The following OTUD5 variants were observed in gnomAD, a reference collection of about 807,000 sequenced individuals.
OTUD5 encodes the protein OTU deubiquitinase 5.
In OTUD5, 2 loss-of-function variants were observed where a neutral mutation model predicts 36.3. That is an observed-to-expected ratio of 0.06 (90% CI 0.02 to 0.17). OTUD5 has a LOEUF of 0.17. Among genes scored for constraint, OTUD5 ranks in the 10% least tolerant of loss-of-function variants. The probability of loss-of-function intolerance (pLI) is 1.00; values close to 1 mark genes in which losing one functional copy is unlikely to be tolerated. For synonymous variants in OTUD5, 234 were observed against 214.9 expected (o/e 1.09, Z -0.78); for missense variants, 233 against 512.3 (o/e 0.45, Z 5.26).
intron 5 of OTUD5, among the ~76,000 whole-genome samples, chrX:48,928,962 G>T (rs2063708364): frequency 9.0e-6 from 1 of 111,240 alleles, no homozygotes; most frequent in Admixed American, 9.6e-5. Context: ...AGCATATGGA[G>T]TATGAGGAAT....
rs189022973 is a variant in OTUD5 at position 48,941,847 on chromosome X, C to T, written c.688+2343G>A. Among the ~76,000 whole-genome samples the T allele has an allele frequency of 1.5e-4, 17 of 111,813 alleles. No individual in the cohort carries two copies. The East Asian group carries it at 4.5e-3, about 30-fold the overall frequency. ...CCAGGGACAAAGTCCCCTTCCCAGG[C>T]ACATGTATTATGCACTCTGCACCAA... On this transcript the variant is annotated intron_variant, in intron 2 of 8. Coordinates refer to ENST00000376488, the MANE Select transcript of OTUD5 (RefSeq NM_001136157.2).
At chrX:48,955,233 G>A (rs904367687) in intron 1 of OTUD5, among the ~76,000 whole-genome samples, 1 of 111,822 alleles carries the variant, frequency 8.9e-6, no homozygotes, top group Non-Finnish European at 1.9e-5. Context: ...CTAAGACTAG[G>A]GTGTATGTAA....
At chrX:48,926,628 T>C (rs1326997033) in intron 5 of OTUD5, among the ~76,000 whole-genome samples, 6 of 112,075 alleles carry the variant, frequency 5.4e-5, no homozygotes, top group African/African-American at 1.6e-4. Flanking sequence ...GCTGGGATTA[T>C]AGGTGTGAGC....
chrX:48,923,700 G>T lies in OTUD5; in HGVS notation c.1512C>A (p.Pro504=). Residue 504 remains proline, a synonymous_variant, in exon 8 of 9, where the codon CCC becomes CCA. Transcript: ENST00000376488. ...FSAGADRATS[P]LVSLYPALEC... ...CCAAAGCAGGGTAGAGGGACACAAGGGGGGAAGTTGCCCGGTCGGCCCCTG... is the reference window on the plus strand; with the variant it reads ...CCAAAGCAGGGTAGAGGGACACAAGTGGGGAAGTTGCCCGGTCGGCCCCTG... 8.3e-7 allele frequency: 1 copy of T among 1,209,775 alleles called. No homozygotes were observed. The highest frequency in any genetic ancestry group is 1.1e-6 in the Non-Finnish European group (1 of 894,181).
chrX:48,927,672 C>G (rs1433957312), intron 5 of OTUD5, among the ~76,000 whole-genome samples: 3 of 111,646 alleles, frequency 2.7e-5, no homozygotes, highest in African/African-American at 9.8e-5. Flanking sequence ...ATTCAGCTAC[C>G]CAAAAGCTCC....
At chrX:48,947,168 CAA>C (rs1557052595) in intron 1 of OTUD5, among the ~76,000 whole-genome samples, 3 of 111,556 alleles carry the variant, frequency 2.7e-5, no homozygotes, top group Admixed American at 1.9e-4. Flanking sequence ...CACTTGAGAT[CAA>C]GAGTTCAAGA....
At chrX:48,936,331 C>T (rs782150474) in intron 2 of OTUD5, 4 of 111,834 alleles carry the variant, frequency 3.6e-5, no homozygotes, top group African/African-American at 9.7e-5. Flanking sequence ...CTCTTCAGGA[C>T]GCTCCTTCCA....
intron 1 of OTUD5, among the ~76,000 whole-genome samples, chrX:48,945,367 T>C (rs1477773259): frequency 5.9e-5 from 6 of 101,557 alleles, no homozygotes; most frequent in African/African-American, 2.2e-4. Context: ...GCCTCCCGGG[T>C]TCATGCCATT....
At chrX:48,923,773 GGGACCCAGGATCCA>G in intron 7 of OTUD5, 27 bp from the exon 8 acceptor site, 5 of 1,184,854 alleles carry the variant, frequency 4.2e-6, no homozygotes, top group Non-Finnish European at 5.7e-6. Context: ...GTCAAAGGTA[GGGACCCAGGATCCA>G]GGACCCAGGA....
chrX:48,946,055 G>C (rs1229480761), intron 1 of OTUD5, among the ~76,000 whole-genome samples: 1 of 111,032 alleles, frequency 9.0e-6, no homozygotes, highest in Non-Finnish European at 1.9e-5. Flanking sequence ...TATAGGATCT[G>C]GGGTATTAGA....
At position 48,927,024 on chromosome X, in the gene OTUD5, T is replaced by G. The variant is rs782503045; in HGVS notation, c.1060-974A>C. On this transcript the variant is annotated intron_variant, in intron 5 of 8. Transcript: ENST00000376488. ...TGCACATATACACATCACACACAAA[T>G]GCATATATGCTAAGTAATCATGTAA... is the stretch of plus-strand genomic sequence containing the variant. Among the ~76,000 whole-genome samples, 18 of 112,407 alleles carry G rather than the reference T, an allele frequency of 1.6e-4. No individual in the cohort carries two copies. In the Middle Eastern group the frequency reaches 0.014, roughly 86 times the overall value.
At chrX:48,932,792 A>T (rs781955608) in intron 5 of OTUD5, among the ~76,000 whole-genome samples, 14 of 110,507 alleles carry the variant, frequency 1.3e-4, no homozygotes, top group South Asian at 3.8e-4. Context: ...AAAAAAAAAA[A>T]TTTTTTTTCA....
In OTUD5 at chrX:48,942,280, C is replaced by CACACACACAG. The variant is rs1475092896; in HGVS notation, c.688+1909_688+1910insCTGTGTGTGT. Among the ~76,000 whole-genome samples the CACACACACAG allele has an allele frequency of 1.6e-4, 15 of 91,130 alleles. 1 individual carries two copies. The highest frequency in any genetic ancestry group is 3.6e-4 in the Admixed American group (3 of 8,278). 79.1% of individuals were successfully genotyped at this position (91,130 alleles called of 115,157 possible). Reference sequence around the variant, plus strand: ...ACACACACACACACACACACACACACAGAGAACAGCTAGCTAGATACACAC... The same window carrying CACACACACAG: ...ACACACACACACACACACACACACACACACACACAGAGAGAACAGCTAGCTAGATACACAC... On this transcript the variant is annotated intron_variant, in intron 2 of 8. Coordinates refer to ENST00000376488, the MANE Select transcript of OTUD5 (RefSeq NM_001136157.2).
intron 1 of OTUD5, among the ~76,000 whole-genome samples, chrX:48,955,990 T>A (rs951681869): frequency 9.0e-6 from 1 of 110,859 alleles, no homozygotes; most frequent in South Asian, 3.8e-4. Context: ...AGCAGGTGGA[T>A]CTTAGGCCCT....
intron 6 of OTUD5, 80 bp from the exon 7 acceptor site, chrX:48,924,132 C>A: frequency 2.1e-6 from 2 of 937,447 alleles, no homozygotes; most frequent in Non-Finnish European, 1.5e-6. Flanking sequence ...TGCTGGCTCC[C>A]TTCCCAGGAC....
At position 48,925,519 on chromosome X, in the gene OTUD5, G is replaced by C. The variant is rs187349176; in HGVS notation, c.1263+328C>G. On this transcript the variant is annotated intron_variant, in intron 6 of 8. Transcript: ENST00000376488. ...AACAGACGAGATCGTTGAGGGCAGAGTAGTCCAGATCTGATGTTACATTCT... is the reference window on the plus strand; with the variant it reads ...AACAGACGAGATCGTTGAGGGCAGACTAGTCCAGATCTGATGTTACATTCT... 2.3e-3 allele frequency among the ~76,000 whole-genome samples: 251 copies of C among 111,468 alleles called. 2 individuals are homozygous for C. The highest frequency in any genetic ancestry group is 7.8e-3 in the African/African-American group (238 of 30,673).
In OTUD5 at chrX:48,944,197, C is replaced by T. The variant is rs1557051801; in HGVS notation, c.681G>A (p.Arg227=). 6 of 1,200,200 alleles carry T rather than the reference C, an allele frequency of 5.0e-6. No homozygotes were observed. The highest frequency in any genetic ancestry group is 6.8e-6 in the Non-Finnish European group (6 of 886,257). Residue 227 remains arginine (R), a synonymous_variant, in exon 2 of 9, where the codon CGG becomes CGA. Coordinates refer to ENST00000376488, the MANE Select transcript of OTUD5 (RefSeq NM_001136157.2). ...ACTAAGGCAGAGACTCACCTACAGC[C>T]CGGAAGAGACAGGCGCCATCCTCCT... ...QMKEDGACLF[R]AVADQVYGDQ... is the part of the protein sequence containing the mutation.
chrX:48,946,522 G>A (rs1400904895), intron 1 of OTUD5, among the ~76,000 whole-genome samples: 1 of 111,961 alleles, frequency 8.9e-6, no homozygotes, highest in African/African-American at 3.3e-5. Context: ...GGAAAATGTG[G>A]CTGGATTTCT....
chrX:48,947,762 G>A (rs781992657), intron 1 of OTUD5, among the ~76,000 whole-genome samples: 1 of 110,396 alleles, frequency 9.1e-6, no homozygotes, highest in East Asian at 2.8e-4. Flanking sequence ...CACCTGAGAG[G>A]AGGTGCCACC....
Sources: allele counts gnomAD v4.1 joint callset (sites outside exome capture counted in the v4.1 genomes callset), GRCh38; gene constraint gnomAD v4.1.1; transcripts MANE v1.5; gene names NCBI Gene and HGNC (gene_info 2026-07-23, HGNC 2026-07-21).